Variants in MYO5B observed in about 807,000 individuals in gnomAD.
MYO5B encodes myosin VB, also known as unconventional myosin-Vb.
MYO5B carries 143 observed loss-of-function variants against 229.3 expected under a neutral mutation model. That is an observed-to-expected ratio of 0.62 (90% confidence interval 0.54 to 0.72). The LOEUF (loss-of-function observed/expected upper bound fraction) is 0.72, where lower values mean the gene tolerates loss of function less well. Among genes scored for constraint, MYO5B ranks in the 30% least tolerant of loss-of-function variants. The pLI, the probability that MYO5B is intolerant of heterozygous loss-of-function variation, is 0.00. For missense variants in MYO5B, 2,321 were observed against 2,331.0 expected, an observed-to-expected ratio of 1.00 and a Z score of 0.09; for synonymous variants, 918 against 885.2, an observed-to-expected ratio of 1.04 and a Z score of -0.66.
At chr18:50,154,071 T>C (rs2060196308) in intron 1 of MYO5B, among the ~76,000 whole-genome samples, 1 of 152,126 alleles carries the variant, frequency 6.6e-6, no homozygotes, top group African/African-American at 2.4e-5. Context: ...GGCTCCACAA[T>C]TGACCTCCCA....
At chr18:50,008,026 G>A (rs897320453) in intron 4 of MYO5B, among the ~76,000 whole-genome samples, 3 of 152,028 alleles carry the variant, frequency 2.0e-5, no homozygotes, top group Non-Finnish European at 2.9e-5. Flanking sequence ...TATGCTGGTG[G>A]AATTATACAG....
At chr18:50,136,911 T>G (rs910668532) in intron 1 of MYO5B, among the ~76,000 whole-genome samples, 4 of 152,214 alleles carry the variant, frequency 2.6e-5, no homozygotes, top group African/African-American at 9.6e-5. Flanking sequence ...CCATCTTCAA[T>G]TGCCAGAATA....
intron 1 of MYO5B, among the ~76,000 whole-genome samples, chr18:50,108,882 G>A (rs2031812048): frequency 6.6e-6 from 1 of 152,118 alleles, no homozygotes; most frequent in South Asian, 2.1e-4. Flanking sequence ...TATACAGCTG[G>A]GCTAGCTGGG....
At chr18:50,133,428 A>G (rs1046178899) in intron 1 of MYO5B, among the ~76,000 whole-genome samples, 1 of 152,220 alleles carries the variant, frequency 6.6e-6, no homozygotes, top group African/African-American at 2.4e-5. Flanking sequence ...AGAACCTTCA[A>G]TAGAAAGAGT....
At chr18:50,104,177 A>AAAAAAG (rs1555659332) in intron 1 of MYO5B, among the ~76,000 whole-genome samples, 2 of 146,520 alleles carry the variant, frequency 1.4e-5, no homozygotes, top group African/African-American at 2.5e-5. Flanking sequence ...TAAAAAGAAA[A>AAAAAAG]AAAAGAAAAT....
chr18:49,940,818 C>T (rs2025305310), intron 14 of MYO5B, among the ~76,000 whole-genome samples: 1 of 152,168 alleles, frequency 6.6e-6, no homozygotes, highest in Non-Finnish European at 1.5e-5. Context: ...TGAGTGTGCC[C>T]ACCTGCACAT....
chr18:50,125,393 G>T (rs12953924), intron 1 of MYO5B, among the ~76,000 whole-genome samples: 1 of 111,304 alleles, frequency 9.0e-6, no homozygotes, highest in Non-Finnish European at 1.8e-5. Context: ...AGGGGGAAGG[G>T]ATAGCATTAG....
chr18:50,093,225 C>G (rs1029258321), intron 1 of MYO5B, among the ~76,000 whole-genome samples: 64 of 145,890 alleles, frequency 4.4e-4, no homozygotes, highest in African/African-American at 1.1e-3. Flanking sequence ...CACACACACA[C>G]AGAGAGGCAC....
chr18:50,157,818 C>G (rs565519933), intron 1 of MYO5B, among the ~76,000 whole-genome samples: 1 of 152,306 alleles, frequency 6.6e-6, no homozygotes, highest in Non-Finnish European at 1.5e-5. Flanking sequence ...AGGGCCAAAA[C>G]CATGTCTTGT....
intron 27 of MYO5B, among the ~76,000 whole-genome samples, chr18:49,871,273 G>C (rs150742082): frequency 4.4e-4 from 67 of 152,296 alleles, no homozygotes; most frequent in African/African-American, 1.6e-3. Flanking sequence ...CCAGAGGTTG[G>C]GGGAGGAGGA....
chr18:49,909,829 G>A (rs529911295), intron 18 of MYO5B, among the ~76,000 whole-genome samples: 1 of 152,254 alleles, frequency 6.6e-6, no homozygotes, highest in South Asian at 2.1e-4. Flanking sequence ...AGCATTGCAG[G>A]CAGAGGAAAC....
intron 1 of MYO5B, among the ~76,000 whole-genome samples, chr18:50,154,293 C>T (rs1216712538): frequency 6.6e-6 from 1 of 151,842 alleles, no homozygotes; most frequent in African/African-American, 2.4e-5. Context: ...TTTTTTAAAG[C>T]TTATCCCCCA....
At chr18:49,868,099 G>GAATA (rs56070362) in intron 27 of MYO5B, among the ~76,000 whole-genome samples, 111,699 of 151,686 alleles carry the variant, frequency 0.74, 41,294 homozygotes, top group Admixed American at 0.84. Flanking sequence ...AAAAAAAGCA[G>GAATA]AAAAATTATA....
In MYO5B at chr18:50,078,211, A is replaced by G. The variant is rs535080868; in HGVS notation, c.28-22833T>C. 3.9e-5 allele frequency among the ~76,000 whole-genome samples: 6 copies of G among 152,354 alleles called. No individual in the cohort carries two copies. In the East Asian group the frequency reaches 1.2e-3, roughly 29 times the overall value. On this transcript the variant is annotated intron_variant, in intron 1 of 39. Transcript: ENST00000285039. The stretch of plus-strand genomic sequence containing the variant: ...CACAGGAGGTCCTACAGGGAAAGGA[A>G]ATTGATCAGCACTTGGTACCTTCTC...
At chr18:49,880,974 G>A (rs1046041319) in intron 22 of MYO5B, among the ~76,000 whole-genome samples, 1 of 152,194 alleles carries the variant, frequency 6.6e-6, no homozygotes, top group Non-Finnish European at 1.5e-5. Context: ...AGCTGTGCAA[G>A]CCTGCACCGA....
intron 1 of MYO5B, among the ~76,000 whole-genome samples, chr18:50,082,149 A>G (rs560510571): frequency 2.0e-5 from 3 of 152,354 alleles, no homozygotes; most frequent in East Asian, 1.9e-4. Flanking sequence ...CTTAAGGCCC[A>G]CAATGGTACC....
chr18:49,867,337 G>GT (rs1478142327), intron 27 of MYO5B, among the ~76,000 whole-genome samples: 1 of 152,166 alleles, frequency 6.6e-6, no homozygotes, highest in African/African-American at 2.4e-5. Flanking sequence ...ACAAGATGGG[G>GT]TTTCAGGGTT....
chr18:49,839,207 G>A lies in MYO5B; in HGVS notation c.4789C>T (p.Leu1597Phe). The A allele has an allele frequency of 6.2e-7, 1 of 1,614,196 alleles. No homozygotes were observed. The highest frequency in any genetic ancestry group is 8.5e-7 in the Non-Finnish European group (1 of 1,180,036). ...LTEYRQVLSD[L>F]SIQIYQQLIK... is the part of the protein sequence containing the mutation. ...AGCTGCTGGTAGATCTGAATGGAAA[G>A]GTCACTCAGCACCTGACGGTATTCG... The change falls in exon 36 of 40, where the codon CTT (leucine) becomes TTT (phenylalanine). Residue 1597 changes from leucine (L) to phenylalanine (F), a missense_variant. Coordinates refer to ENST00000285039, the MANE Select transcript of MYO5B (RefSeq NM_001080467.3).
chr18:50,117,116 C>T (rs973441149), intron 1 of MYO5B, among the ~76,000 whole-genome samples: 2 of 152,030 alleles, frequency 1.3e-5, no homozygotes, highest in African/African-American at 4.8e-5. Flanking sequence ...TTCAAAAATG[C>T]CCTTTTTTGG....
Sources: gnomAD v4.1 joint callset for allele counts (sites outside exome capture counted in the v4.1 genomes callset) on GRCh38, gnomAD v4.1.1 for gene constraint, MANE v1.5 for transcripts, NCBI Gene and HGNC (gene_info 2026-07-23, HGNC 2026-07-21) for gene names.